Variants in CPEB1 observed in about 807,000 individuals in gnomAD.
CPEB1 encodes cytoplasmic polyadenylation element-binding protein 1.
A neutral mutation model predicts 65.8 loss-of-function variants in CPEB1; 7 were observed. The ratio of observed to expected loss-of-function variants is 0.11; its 90% CI spans 0.06 to 0.20. The LOEUF is 0.20. Among genes scored for constraint, CPEB1 ranks in the 10% least tolerant of loss-of-function variants. CPEB1 has a pLI of 1.00. For synonymous variants in CPEB1, 262 were observed against 260.0 expected (o/e 1.01, Z -0.08); for missense variants, 551 against 712.2 (o/e 0.77, Z 2.58).
At chr15:82,558,875 C>G (rs1455593083) in intron 4 of CPEB1, among the ~76,000 whole-genome samples, 1 of 151,942 alleles carries the variant, frequency 6.6e-6, no homozygotes. Flanking sequence ...CACCCTCTAT[C>G]TATGAGAATA....
intron 9 of CPEB1, 26 bp from the exon 10 acceptor site, chr15:82,549,684 G>A (rs1051337202): frequency 1.2e-6 from 2 of 1,609,122 alleles, no homozygotes; most frequent in Admixed American, 1.7e-5. Flanking sequence ...AGGTGTATCA[G>A]CCCTGGCAGA....
chr15:82,631,768 T>G (rs2046265951), intron 1 of CPEB1, among the ~76,000 whole-genome samples: 1 of 152,146 alleles, frequency 6.6e-6, no homozygotes, highest in Non-Finnish European at 1.5e-5. Context: ...TGACTTAAAA[T>G]GCTTAATTAA....
chr15:82,647,844 G>C (rs1465075292), upstream of CPEB1: 4 of 1,277,822 alleles, frequency 3.1e-6, no homozygotes, highest in African/African-American at 6.2e-5. Context: ...GCGAGCGGCG[G>C]GTGGCTCTTA....
intron 3 of CPEB1, among the ~76,000 whole-genome samples, chr15:82,625,568 G>C (rs982017971): frequency 6.6e-6 from 1 of 152,172 alleles, no homozygotes; most frequent in African/African-American, 2.4e-5. Flanking sequence ...ACATACTCAA[G>C]TCTTGCAGTT....
intron 3 of CPEB1, among the ~76,000 whole-genome samples, chr15:82,582,952 AG>A (rs2041436266): frequency 1.3e-5 from 2 of 151,866 alleles, no homozygotes; most frequent in South Asian, 4.2e-4. Context: ...CATGTTAACC[AG>A]GATGGTCTTG....
At chr15:82,583,311 AG>A (rs1434321009) in intron 3 of CPEB1, 1 of 152,182 alleles carries the variant, frequency 6.6e-6, no homozygotes, top group Non-Finnish European at 1.5e-5. Context: ...TCTAGGTTGT[AG>A]GTAACAACTA....
At chr15:82,619,200 A>G (rs185911293) in intron 3 of CPEB1, among the ~76,000 whole-genome samples, 85 of 152,342 alleles carry the variant, frequency 5.6e-4, no homozygotes, top group African/African-American at 2.0e-3. Flanking sequence ...ATACAATTTA[A>G]AAGAATTTTC....
chr15:82,547,288 A>ATT, intron 10 of CPEB1, 51 bp from the exon 11 acceptor site: 3 of 642,694 alleles, frequency 4.7e-6, no homozygotes, highest in African/African-American at 2.7e-5. Context: ...CCCAAATGCT[A>ATT]CTTTTTTTTT....
At chr15:82,602,626 A>G (rs965752134) in intron 3 of CPEB1, among the ~76,000 whole-genome samples, 62 of 152,292 alleles carry the variant, frequency 4.1e-4, no homozygotes, top group African/African-American at 1.5e-3. Flanking sequence ...CGAATGGATC[A>G]CTTGAGGTCA....
intron 1 of CPEB1, chr15:82,629,780 A>G (rs565967712): frequency 1.0e-6 from 1 of 985,434 alleles, no homozygotes; most frequent in South Asian, 4.7e-5. Flanking sequence ...GAAGAGGCCC[A>G]ATGTCATTTT....
At chr15:82,578,876 T>G (rs1157976779) in intron 3 of CPEB1, among the ~76,000 whole-genome samples, 1 of 152,234 alleles carries the variant, frequency 6.6e-6, no homozygotes, top group Non-Finnish European at 1.5e-5. Context: ...TCGTCCTGAC[T>G]GCAATGGCAA....
At chr15:82,565,001 C>T (rs1301378040) in intron 4 of CPEB1, among the ~76,000 whole-genome samples, 1 of 152,078 alleles carries the variant, frequency 6.6e-6, no homozygotes, top group East Asian at 1.9e-4. Context: ...ATCAGGGTGC[C>T]CCAGAATTAA....
chr15:82,561,983 G>A (rs1197067762), intron 4 of CPEB1, among the ~76,000 whole-genome samples: 1 of 152,200 alleles, frequency 6.6e-6, no homozygotes, highest in African/African-American at 2.4e-5. Flanking sequence ...GTCAAACACT[G>A]TGTTAGAAGC....
chr15:82,622,670 C>T (rs1034155746), intron 3 of CPEB1, among the ~76,000 whole-genome samples: 2 of 152,164 alleles, frequency 1.3e-5, no homozygotes, highest in Non-Finnish European at 2.9e-5. Context: ...GAGATTACTA[C>T]AGGCATGAGT....
intron 1 of CPEB1, among the ~76,000 whole-genome samples, chr15:82,641,062 C>T (rs2047068997): frequency 6.6e-6 from 1 of 152,134 alleles, no homozygotes; most frequent in Non-Finnish European, 1.5e-5. Flanking sequence ...CTATTCCCTG[C>T]TCACAGTATA....
At chr15:82,557,567 T>C in intron 5 of CPEB1, 193 bp downstream of exon 5, 1 of 568,410 alleles carries the variant, frequency 1.8e-6, no homozygotes, top group Non-Finnish European at 3.1e-6. Flanking sequence ...TCAATGGGTC[T>C]TCAAAGCATC....
intron 3 of CPEB1, among the ~76,000 whole-genome samples, chr15:82,579,816 G>A (rs1442282809): frequency 2.7e-5 from 4 of 150,684 alleles, no homozygotes; most frequent in African/African-American, 9.7e-5. Context: ...GGAGGCTGAG[G>A]CAGGAGAATG....
At chr15:82,602,098 C>G (rs541958961) in intron 3 of CPEB1, among the ~76,000 whole-genome samples, 1 of 152,240 alleles carries the variant, frequency 6.6e-6, no homozygotes, top group East Asian at 1.9e-4. Flanking sequence ...CAAAGTAGAG[C>G]ATATGTTAGA....
At chr15:82,647,678 GCCCTCCAC>G (rs1455397374), upstream of CPEB1, 1 of 410,920 alleles carries the variant, frequency 2.4e-6, no homozygotes, top group African/African-American at 2.1e-5. Context: ...TGCCCCCCTC[GCCCTCCAC>G]CCCTCCACGA....
Sources: allele counts gnomAD v4.1 joint callset (sites outside exome capture counted in the v4.1 genomes callset), GRCh38; gene constraint gnomAD v4.1.1; transcripts MANE v1.5; gene names NCBI Gene and HGNC (gene_info 2026-07-23, HGNC 2026-07-21).